Variants in THUMPD2 observed in about 807,000 individuals in gnomAD.
THUMPD2 encodes THUMP domain 2 tRNA and snRNA guanosine methyltransferase, also known as U6 snRNA (guanine-N(2))-methyltransferase THUMPD2.
A neutral mutation model predicts 49.4 loss-of-function variants in THUMPD2; 56 were observed. That is an observed-to-expected ratio of 1.13 (90% CI 0.91 to 1.41). The LOEUF is 1.41. Among genes scored for constraint, THUMPD2 ranks in the 40% most tolerant of loss-of-function variants. The probability of loss-of-function intolerance (pLI) is 0.00; values close to 1 mark genes in which losing one functional copy is unlikely to be tolerated. For synonymous variants in THUMPD2, 237 were observed against 205.2 expected, an observed-to-expected ratio of 1.15 and a Z score of -1.32; for missense variants, 709 against 594.5, an observed-to-expected ratio of 1.19 and a Z score of -2.00.
intron 6 of THUMPD2, among the ~76,000 whole-genome samples, chr2:39,760,774 C>T (rs1676718828): frequency 6.6e-6 from 1 of 152,110 alleles, no homozygotes; most frequent in Non-Finnish European, 1.5e-5. Context: ...AAAAGGCACA[C>T]TTCACAATGA....
intron 1 of THUMPD2, among the ~76,000 whole-genome samples, chr2:39,773,535 TAAAATATATATTTATATTTA>T (rs1183238743): frequency 1.4e-5 from 2 of 143,794 alleles, no homozygotes; most frequent in African/African-American, 2.5e-5. Flanking sequence ...CACACATATA[TAAAATATATATTTATATTTA>T]AAAATATATA....
intron 1 of THUMPD2, among the ~76,000 whole-genome samples, chr2:39,778,421 T>G (rs558261689): frequency 9.8e-5 from 15 of 152,314 alleles, no homozygotes; most frequent in African/African-American, 3.6e-4. Flanking sequence ...AGGGGTTAAT[T>G]TCATTTAGGA....
rs1295379030 is a variant in THUMPD2 at position 39,736,585 on chromosome 2, A to C, written c.*150T>G. The C allele has an allele frequency of 1.8e-6, 1 of 568,176 alleles. No individual in the cohort carries two copies. The highest frequency in any genetic ancestry group is 3.0e-6 in the Non-Finnish European group (1 of 334,328). 35.2% of individuals were successfully genotyped at this position (568,176 alleles called of 1,614,324 possible). ...GAATATAAAGCAGAAACTCTTACCA[A>C]GCATGTGTACCCATCAGCCACACCT... On this transcript the variant is annotated 3_prime_UTR_variant, in exon 10 of 10. Coordinates refer to ENST00000505747, the MANE Select transcript of THUMPD2 (RefSeq NM_025264.5).
chr2:39,754,461 A>G (rs548842096), intron 8 of THUMPD2, among the ~76,000 whole-genome samples: 1 of 152,282 alleles, frequency 6.6e-6, no homozygotes, highest in East Asian at 1.9e-4. Flanking sequence ...CTTTTCCACT[A>G]CAATAAAATT....
intron 1 of THUMPD2, among the ~76,000 whole-genome samples, chr2:39,773,882 A>C (rs1678713828): frequency 6.6e-6 from 1 of 152,350 alleles, no homozygotes; most frequent in Non-Finnish European, 1.5e-5. Flanking sequence ...TTGTAGAATA[A>C]GCATATTATC....
chr2:39,749,641 G>C (rs1323752958), intron 8 of THUMPD2, among the ~76,000 whole-genome samples: 1 of 152,064 alleles, frequency 6.6e-6, no homozygotes, highest in Non-Finnish European at 1.5e-5. Flanking sequence ...ATATGTGCAG[G>C]ATGTATGGGT....
intron 6 of THUMPD2, among the ~76,000 whole-genome samples, chr2:39,756,736 T>C (rs971920463): frequency 7.2e-5 from 11 of 152,068 alleles, no homozygotes; most frequent in African/African-American, 2.4e-4. Context: ...TTGACAATTA[T>C]ACGGTAACAA....
intron 6 of THUMPD2, among the ~76,000 whole-genome samples, chr2:39,756,721 T>G (rs72938112): frequency 6.6e-6 from 1 of 151,974 alleles, no homozygotes. Flanking sequence ...AATTCAAGCT[T>G]TGGCTTGACA....
chr2:39,744,577 C>G (rs184580784), intron 8 of THUMPD2, 99 bp from the exon 9 acceptor site: 32 of 735,054 alleles, frequency 4.4e-5, no homozygotes, highest in Non-Finnish European at 1.7e-5. Context: ...TTTTGCGTAA[C>G]AGATTAACAT....
At chr2:39,773,824 C>G (rs150007618) in intron 1 of THUMPD2, among the ~76,000 whole-genome samples, 1,744 of 152,096 alleles carry the variant, frequency 0.011, 38 homozygotes, top group African/African-American at 0.04. Context: ...ATTCTCAAAA[C>G]CAAAAGCAGC....
intron 9 of THUMPD2, among the ~76,000 whole-genome samples, chr2:39,741,715 G>A (rs1220798642): frequency 6.6e-6 from 1 of 152,136 alleles, no homozygotes; most frequent in Non-Finnish European, 1.5e-5. Context: ...CTGATTGCAT[G>A]TCCTTTCTCG....
At chr2:39,761,550 G>T in intron 5 of THUMPD2, 132 bp from the exon 6 acceptor site, 1 of 833,788 alleles carries the variant, frequency 1.2e-6, no homozygotes, top group Non-Finnish European at 1.8e-6. Flanking sequence ...CCCTAAGTTA[G>T]ACAATGTTTC....
intron 8 of THUMPD2, among the ~76,000 whole-genome samples, chr2:39,746,492 C>G (rs1674614659): frequency 6.6e-6 from 1 of 152,264 alleles, no homozygotes; most frequent in Non-Finnish European, 1.5e-5. Flanking sequence ...ACAGTAAAAT[C>G]TTTTAAATTA....
At chr2:39,747,147 A>G (rs1232011955) in intron 8 of THUMPD2, among the ~76,000 whole-genome samples, 7 of 152,216 alleles carry the variant, frequency 4.6e-5, no homozygotes, top group Admixed American at 3.9e-4. Flanking sequence ...TTGGTTAGGC[A>G]TAATATTTTT....
intron 8 of THUMPD2, among the ~76,000 whole-genome samples, chr2:39,754,274 GTC>G (rs1242659297): frequency 5.9e-5 from 9 of 152,172 alleles, no homozygotes; most frequent in Admixed American, 2.6e-4. Flanking sequence ...ACAAACTTGT[GTC>G]TCCTGCACAG....
intron 6 of THUMPD2, 38 bp downstream of exon 6, chr2:39,761,293 A>C (rs756170123): frequency 7.7e-6 from 12 of 1,558,476 alleles, no homozygotes; most frequent in Non-Finnish European, 2.7e-6. Flanking sequence ...TTATGAAAAG[A>C]ACCTTGCTAT....
chr2:39,770,022 T>C lies in THUMPD2; in HGVS notation c.360A>G (p.Ala120=). The change falls in exon 3 of 10, where the codon GCA becomes GCG. Residue 120 remains alanine, a synonymous_variant. Coordinates refer to ENST00000505747, the MANE Select transcript of THUMPD2 (RefSeq NM_025264.5). ...CTCTCTGAGAAAGTTTTTCCTTTTT[T>C]GCATCAAGTTCAAGAAGATTTTTCC... is the stretch of plus-strand genomic sequence containing the variant. ...SIWKNLLELD[A]KKEKLSQRDD... The C allele has an allele frequency of 6.3e-7, 1 of 1,578,346 alleles. No individual in the cohort carries two copies. Among genetic ancestry groups the C allele is most frequent in the Admixed American group, 2.0e-5 (1 of 49,418 alleles).
chr2:39,768,545 A>G, intron 3 of THUMPD2, 44 bp from the exon 4 acceptor site: 2 of 1,523,814 alleles, frequency 1.3e-6, no homozygotes, highest in South Asian at 2.3e-5. Context: ...AAAAATGAAA[A>G]TTTTAAGTTT....
intron 6 of THUMPD2, among the ~76,000 whole-genome samples, chr2:39,757,803 C>T (rs933236032): frequency 3.9e-5 from 6 of 152,102 alleles, no homozygotes; most frequent in African/African-American, 1.4e-4. Context: ...ACAAACATCC[C>T]ATTTTTAAAT....
Sources: gnomAD v4.1 joint callset for allele counts (sites outside exome capture counted in the v4.1 genomes callset) on GRCh38, gnomAD v4.1.1 for gene constraint, MANE v1.5 for transcripts, NCBI Gene and HGNC (gene_info 2026-07-23, HGNC 2026-07-21) for gene names.